The following ELMO1 variants were observed in gnomAD, a reference collection of about 807,000 sequenced individuals.
The protein encoded by ELMO1 is engulfment and cell motility protein 1.
Under a neutral mutation model 98.9 loss-of-function variants are expected in ELMO1, and 26 were observed. The ratio of observed to expected loss-of-function variants is 0.26; its 90% CI spans 0.19 to 0.36. The LOEUF is 0.36. Ranked by LOEUF, ELMO1 falls within the 10% of genes least tolerant of loss-of-function variation. ELMO1 has a pLI of 1.00. For synonymous variants in ELMO1, 346 were observed against 346.0 expected, an observed-to-expected ratio of 1.00 and a Z score of 0.00; for missense variants, 627 against 935.2, an observed-to-expected ratio of 0.67 and a Z score of 4.30.
chr7:37,216,788 T>C (rs941408300), intron 10 of ELMO1, 93 bp from the exon 11 acceptor site: 1 of 1,233,914 alleles, frequency 8.1e-7, no homozygotes, highest in Non-Finnish European at 1.2e-6. Context: ...GTGTGCTTCG[T>C]AACTGTATAT....
chr7:36,855,295 G>C lies in ELMO1; in HGVS notation c.*256C>G, dbSNP rs542104593. 6 of 515,726 alleles carry C rather than the reference G, an allele frequency of 1.2e-5. No individual in the cohort carries two copies. The highest frequency in any genetic ancestry group is 1.8e-5 in the Non-Finnish European group (5 of 284,576). The allele number at this position is 515,726 out of a possible 1,614,324, so 31.9% of individuals were successfully genotyped here. ...GGCCTTCTTACTGGCAGTGGGCTTT[G>C]CTCTTGTCCCACCAGTGGACTGCAG... On this transcript the variant is annotated 3_prime_UTR_variant, in exon 22 of 22. Coordinates refer to ENST00000310758, the MANE Select transcript of ELMO1 (RefSeq NM_014800.11). This position sits in a 1 kb window ranked among gnomAD's most constrained non-coding sequence, Gnocchi z 4.2.
At chr7:37,363,074 T>C (rs2131332654) in intron 1 of ELMO1, among the ~76,000 whole-genome samples, 1 of 152,320 alleles carries the variant, frequency 6.6e-6, no homozygotes, top group South Asian at 2.1e-4. Context: ...TAACCTGAAA[T>C]GTTGAAGATG....
At chr7:37,019,684 T>C (rs969719331) in intron 15 of ELMO1, among the ~76,000 whole-genome samples, 3 of 152,230 alleles carry the variant, frequency 2.0e-5, no homozygotes, top group Admixed American at 6.5e-5. Flanking sequence ...GACAATATTT[T>C]ATAAATGAAA....
chr7:36,867,700 G>A (rs1162224009), intron 20 of ELMO1, among the ~76,000 whole-genome samples: 1 of 151,966 alleles, frequency 6.6e-6, no homozygotes, highest in Non-Finnish European at 1.5e-5. Flanking sequence ...TTGGTAAGCT[G>A]GATTTTCATT....
At chr7:37,086,311 T>G (rs1200910849) in intron 15 of ELMO1, among the ~76,000 whole-genome samples, 1 of 151,444 alleles carries the variant, frequency 6.6e-6, no homozygotes, top group Non-Finnish European at 1.5e-5. Context: ...AAAAGAAACA[T>G]TTTTGTAACA....
rs372958389 is a variant in ELMO1, at chr7:37,267,726, C to CA, written c.243+4105dup. ...TCTCAGATAGATACATACACACATA[C>CA]ATGCACAGACATTATTTTGTTTATT... is the stretch of plus-strand genomic sequence containing the variant. On this transcript the variant is annotated intron_variant, in intron 5 of 21. Coordinates refer to ENST00000310758, the MANE Select transcript of ELMO1 (RefSeq NM_014800.11). Among the ~76,000 whole-genome samples, 6 of 152,344 alleles carry CA rather than the reference C, an allele frequency of 3.9e-5. No homozygotes were observed. In the East Asian group the frequency reaches 1.2e-3, roughly 29 times the overall value.
At chr7:37,080,994 A>G (rs917418476) in intron 15 of ELMO1, among the ~76,000 whole-genome samples, 2 of 151,746 alleles carry the variant, frequency 1.3e-5, no homozygotes, top group African/African-American at 2.4e-5. Flanking sequence ...TTTCTGCTGC[A>G]TTTTTCTCCA....
chr7:37,112,505 T>C (rs1039920714), intron 14 of ELMO1, among the ~76,000 whole-genome samples: 5 of 152,162 alleles, frequency 3.3e-5, no homozygotes, highest in African/African-American at 1.2e-4. Flanking sequence ...TCTTGGCAAA[T>C]GCAAGTTTGC....
chr7:36,940,039 A>G (rs1364060540), intron 16 of ELMO1, among the ~76,000 whole-genome samples: 1 of 152,200 alleles, frequency 6.6e-6, no homozygotes, highest in Non-Finnish European at 1.5e-5. Context: ...TGTGGAAATG[A>G]TCAAGACTTT....
At chr7:37,136,859 G>C (rs1787298017) in intron 13 of ELMO1, among the ~76,000 whole-genome samples, 1 of 151,668 alleles carries the variant, frequency 6.6e-6, no homozygotes, top group South Asian at 2.1e-4. Flanking sequence ...ATACAATGAA[G>C]AAAACACAAA....
chr7:36,981,894 G>GTC (rs1009539965), intron 16 of ELMO1, among the ~76,000 whole-genome samples: 5 of 152,206 alleles, frequency 3.3e-5, no homozygotes, highest in African/African-American at 1.2e-4. Flanking sequence ...GGTGGTCCAG[G>GTC]TACCTTGTGG....
chr7:37,110,155 T>C (rs1785170979), intron 14 of ELMO1, among the ~76,000 whole-genome samples: 2 of 152,246 alleles, frequency 1.3e-5, no homozygotes, highest in East Asian at 1.9e-4. Context: ...AGATTAATTA[T>C]CTCGCAGATG....
At chr7:37,202,669 T>C (rs1792363619) in intron 13 of ELMO1, among the ~76,000 whole-genome samples, 1 of 152,242 alleles carries the variant, frequency 6.6e-6, no homozygotes, top group Non-Finnish European at 1.5e-5. Context: ...ATGGTACTAC[T>C]GAGCAGTACT....
At chr7:37,345,873 C>T (rs1800981216) in intron 1 of ELMO1, among the ~76,000 whole-genome samples, 1 of 146,646 alleles carries the variant, frequency 6.8e-6, no homozygotes, top group East Asian at 2.2e-4. Flanking sequence ...CCTGTAGTCC[C>T]AGCTACTCGG....
chr7:36,918,945 T>TTC (rs1784919934), intron 16 of ELMO1, among the ~76,000 whole-genome samples: 1 of 151,440 alleles, frequency 6.6e-6, no homozygotes, highest in Non-Finnish European at 1.5e-5. Flanking sequence ...AGCAAGAGAG[T>TTC]TAATCTATAA....
chr7:36,919,352 C>A (rs747731406), intron 16 of ELMO1: 1 of 531,078 alleles, frequency 1.9e-6, no homozygotes. Flanking sequence ...GACTTTGGGA[C>A]TTCAGGCTAT....
At chr7:37,417,709 G>A (rs1804289654) in intron 1 of ELMO1, among the ~76,000 whole-genome samples, 1 of 136,802 alleles carries the variant, frequency 7.3e-6, no homozygotes, top group Non-Finnish European at 1.7e-5. Flanking sequence ...GGGTGTGGTG[G>A]CACACACCTG....
intron 16 of ELMO1, among the ~76,000 whole-genome samples, chr7:37,007,185 G>GA (rs1299238893): frequency 2.0e-5 from 3 of 151,812 alleles, no homozygotes; most frequent in African/African-American, 4.8e-5. Context: ...GAAGCCTTTT[G>GA]AAAAAAAATG....
intron 16 of ELMO1, among the ~76,000 whole-genome samples, chr7:36,991,525 A>G (rs1791878068): frequency 1.3e-5 from 2 of 152,230 alleles, no homozygotes; most frequent in Admixed American, 1.3e-4. Context: ...GTGCATTTTT[A>G]AGACCAAAAC....
Sources: gnomAD v4.1 joint callset for allele counts (sites outside exome capture counted in the v4.1 genomes callset) on GRCh38, gnomAD v4.1.1 for gene constraint, Gnocchi (gnomAD v3.1) non-coding constraint, MANE v1.5 for transcripts, NCBI Gene and HGNC (gene_info 2026-07-23, HGNC 2026-07-21) for gene names.